The following LYG1 variants were observed in gnomAD, a reference collection of about 807,000 sequenced individuals.
LYG1 encodes the protein lysozyme g-like protein 1.
A neutral mutation model predicts 21.7 loss-of-function variants in LYG1; 17 were observed. The ratio of observed to expected loss-of-function variants is 0.78; its 90% CI spans 0.54 to 1.18. The LOEUF (loss-of-function observed/expected upper bound fraction) is 1.18, where lower values mean the gene tolerates loss of function less well. Ranked by LOEUF, LYG1 falls within the 50% of genes most tolerant of loss-of-function variation. LYG1 has a pLI of 0.00. For missense variants in LYG1, 211 were observed against 238.1 expected, an observed-to-expected ratio of 0.89 and a Z score of 0.75; for synonymous variants, 81 against 87.4, an observed-to-expected ratio of 0.93 and a Z score of 0.41.
intron 5 of LYG1, among the ~76,000 whole-genome samples, chr2:99,290,421 CA>C (rs1447609341): frequency 6.6e-6 from 1 of 152,022 alleles, no homozygotes; most frequent in Admixed American, 6.5e-5. Flanking sequence ...GATGGGTCTC[CA>C]AATCGAAGTA....
chr2:99,293,935 TTATC>T (rs1438463748), intron 3 of LYG1, among the ~76,000 whole-genome samples: 3 of 152,006 alleles, frequency 2.0e-5, no homozygotes, highest in Non-Finnish European at 1.5e-5. Context: ...ATTAATTAAT[TTATC>T]TATAGACAGG....
intron 1 of LYG1, among the ~76,000 whole-genome samples, 167 bp from the exon 2 acceptor site, chr2:99,298,716 G>A (rs528376831): frequency 6.6e-6 from 1 of 152,156 alleles, no homozygotes; most frequent in East Asian, 1.9e-4. Context: ...GCCCAATGAA[G>A]GTGCCCCTGC....
upstream of LYG1, chr2:99,301,271 T>A (rs2094153145): frequency 6.6e-6 from 1 of 152,146 alleles, no homozygotes; most frequent in South Asian, 2.1e-4. Context: ...CCAATTTGTT[T>A]CTTGCCATAC....
intron 5 of LYG1, among the ~76,000 whole-genome samples, chr2:99,285,511 A>G (rs961443941): frequency 6.6e-6 from 1 of 152,232 alleles, no homozygotes; most frequent in Non-Finnish European, 1.5e-5. Context: ...AGTGAAAAAA[A>G]AGCACACTCC....
In LYG1 at chr2:99,284,458, G is replaced by T; in HGVS notation, c.520C>A (p.Leu174Met). ...ACATCATTGCAGAAGTCACAGCTCA[G>T]GTCCTGGCTGCTTCGGACATAGCCA... Reference protein sequence around the residue: ...GAGYVRSSQDLSCDFCNDVLA... With the variant: ...GAGYVRSSQDMSCDFCNDVLA... Residue 174 changes from leucine to methionine, a missense_variant, in exon 7 of 7, where the codon CTG (leucine) becomes ATG (methionine). Leu to Met is a conservative substitution (Grantham distance 15). Transcript: ENST00000308528. 1 of 1,614,208 alleles carries T rather than the reference G, an allele frequency of 6.2e-7. No homozygotes were observed. Among genetic ancestry groups the T allele is most frequent in the Non-Finnish European group, 8.5e-7 (1 of 1,180,038 alleles).
intron 5 of LYG1, among the ~76,000 whole-genome samples, chr2:99,286,606 G>C (rs941045215): frequency 6.6e-6 from 1 of 152,120 alleles, no homozygotes. Context: ...CGGGAGGCTG[G>C]GACAGGAGAA....
At chr2:99,302,081 A>C (rs13014360), upstream of LYG1, among the ~76,000 whole-genome samples, 56,327 of 151,956 alleles carry the variant, frequency 0.37, 11,191 homozygotes, top group East Asian at 0.63. Context: ...TGCACTAGGC[A>C]TTCCTACAGG....
chr2:99,284,839 A>G lies in LYG1; in HGVS notation c.334-19T>C, dbSNP rs756404741. ...CAGGGTCCTGCAGGGAAGGAGGCAG[A>G]GAAGAAGCCACGTAAGCTGGGTGGG... On this transcript the variant is annotated intron_variant, in intron 5 of 6. Transcript: ENST00000308528. 4.3e-6 allele frequency: 7 copies of G among 1,610,962 alleles called. No individual in the cohort carries two copies. The highest frequency in any genetic ancestry group is 5.9e-6 in the Non-Finnish European group (7 of 1,179,026).
rs752599421 is a variant in LYG1, at chr2:99,295,686, C to T, written c.-16G>A. The T allele has an allele frequency of 5.8e-5, 93 of 1,613,928 alleles. No homozygotes were observed. Among genetic ancestry groups the T allele is most frequent in the Non-Finnish European group, 7.8e-5 (92 of 1,179,986 alleles). On this transcript the variant is annotated 5_prime_UTR_variant, in exon 3 of 7. It removes the in-frame stop codon of an upstream open reading frame in the 5' UTR. Coordinates refer to ENST00000308528, the MANE Select transcript of LYG1 (RefSeq NM_174898.3). ...ATGCAGACATGATGACGATCTGGCTCTACGGCTCCTGAAACACTTTTAAAA... is the reference window on the plus strand; with the variant it reads ...ATGCAGACATGATGACGATCTGGCTTTACGGCTCCTGAAACACTTTTAAAA...
chr2:99,292,985 C>CTTTTTTTTTT (rs70940159), intron 3 of LYG1, among the ~76,000 whole-genome samples: 10 of 83,156 alleles, frequency 1.2e-4, no homozygotes, highest in Admixed American at 3.7e-4. Flanking sequence ...CCTCATCTTA[C>CTTTTTTTTTT]TTTTTTTTTT....
chr2:99,288,318 T>G (rs2094107711), intron 5 of LYG1, among the ~76,000 whole-genome samples: 1 of 152,168 alleles, frequency 6.6e-6, no homozygotes, highest in South Asian at 2.1e-4. Context: ...CTGATAGGTC[T>G]TCTTTTTACC....
chr2:99,292,321 C>A (rs2105295491), intron 4 of LYG1, among the ~76,000 whole-genome samples: 1 of 152,114 alleles, frequency 6.6e-6, no homozygotes, highest in Middle Eastern at 3.4e-3. Flanking sequence ...AAAAAGCACC[C>A]TTGTCCACAT....
rs760966668 is a variant in LYG1 at position 99,284,433 on chromosome 2, A to G, written c.545T>C (p.Val182Ala). 8 of 1,614,236 alleles carry G rather than the reference A, an allele frequency of 5.0e-6. No homozygotes were observed. The South Asian group carries it at 8.8e-5, about 18-fold the overall frequency. ...QDLSCDFCND[V>A]LARAKYLKRH... The stretch of plus-strand genomic sequence containing the variant: ...CTTGAGGTACTTGGCTCGTGCAAGG[A>G]CATCATTGCAGAAGTCACAGCTCAG... The change falls in exon 7 of 7, where the codon GTC becomes GCC. Residue 182 changes from valine (V) to alanine (A), a missense_variant. By Grantham distance (64) the Val-to-Ala change is moderately conservative (BLOSUM62 0). Transcript: ENST00000308528.
At chr2:99,302,398 T>G (rs889072208), upstream of LYG1, among the ~76,000 whole-genome samples, 4 of 152,262 alleles carry the variant, frequency 2.6e-5, no homozygotes, top group African/African-American at 9.6e-5. Context: ...AGTAAATCTT[T>G]GTTGAATCAG....
chr2:99,284,841 A>G (rs1232912836), intron 5 of LYG1, 21 bp from the exon 6 acceptor site: 1 of 1,611,052 alleles, frequency 6.2e-7, no homozygotes, highest in South Asian at 1.1e-5. Flanking sequence ...GGAGGCAGAG[A>G]AGAAGCCACG....
rs1057219515 is a variant in LYG1, at chr2:99,284,455, T to G, written c.523A>C (p.Ser175Arg). ...AGGACATCATTGCAGAAGTCACAGCTCAGGTCCTGGCTGCTTCGGACATAG... is the reference window on the plus strand; with the variant it reads ...AGGACATCATTGCAGAAGTCACAGCGCAGGTCCTGGCTGCTTCGGACATAG... ...AGYVRSSQDLSCDFCNDVLAR... is the reference protein window; with the variant it reads ...AGYVRSSQDLRCDFCNDVLAR... The change falls in exon 7 of 7, where the codon AGC becomes CGC. Residue 175 changes from serine (S) to arginine (R), a missense_variant. Physicochemically the swap from Ser to Arg is moderately radical, Grantham distance 110 (BLOSUM62 -1). Transcript: ENST00000308528. The G allele has an allele frequency of 1.2e-6, 2 of 1,614,182 alleles. No homozygotes were observed. The highest frequency in any genetic ancestry group is 2.7e-5 in the African/African-American group (2 of 75,038).
intron 4 of LYG1, 84 bp from the exon 5 acceptor site, chr2:99,291,505 C>T (rs2094118307): frequency 2.8e-6 from 4 of 1,430,726 alleles, no homozygotes; most frequent in Non-Finnish European, 3.8e-6. Context: ...AAGAACAATC[C>T]AAGGATCTGA....
intron 2 of LYG1, among the ~76,000 whole-genome samples, chr2:99,296,298 G>A (rs994755819): frequency 2.6e-4 from 39 of 152,102 alleles, no homozygotes; most frequent in African/African-American, 8.2e-4. Flanking sequence ...ACCCCAATGC[G>A]GCAACAAACC....
chr2:99,285,604 G>A (rs547609470), intron 5 of LYG1, among the ~76,000 whole-genome samples: 9 of 152,298 alleles, frequency 5.9e-5, no homozygotes, highest in Non-Finnish European at 1.0e-4. Context: ...CGGAGACCCT[G>A]AAACATGCTT....
Sources: gnomAD v4.1 joint callset for allele counts (sites outside exome capture counted in the v4.1 genomes callset) on GRCh38, gnomAD v4.1.1 for gene constraint, MANE v1.5 for transcripts, NCBI Gene and HGNC (gene_info 2026-07-23, HGNC 2026-07-21) for gene names.